NEGR1: variants seen among roughly 807,000 people sequenced by gnomAD.
The protein encoded by NEGR1 is neuronal growth regulator 1.
NEGR1 carries 10 observed loss-of-function variants against 40.9 expected under a neutral mutation model. That is an observed-to-expected ratio of 0.24 (90% CI 0.15 to 0.42). The LOEUF (loss-of-function observed/expected upper bound fraction) is 0.42, where lower values mean the gene tolerates loss of function less well. NEGR1 is among the 10% of genes least tolerant of loss of function. The pLI is 1.00. For synonymous variants in NEGR1, 185 were observed against 166.8 expected (o/e 1.11, Z -0.84); for missense variants, 352 against 438.9 (o/e 0.80, Z 1.77).
chr1:71,635,264 C>T (rs1006221746), intron 4 of NEGR1, among the ~76,000 whole-genome samples: 2 of 152,014 alleles, frequency 1.3e-5, no homozygotes, highest in African/African-American at 4.8e-5. Context: ...AAGCCTCTCC[C>T]GACTTTAACC....
chr1:71,403,856 T>C lies in NEGR1; in HGVS notation c.*3590A>G, dbSNP rs1018903120. On this transcript the variant is annotated 3_prime_UTR_variant, in exon 7 of 7. Coordinates refer to ENST00000357731, the MANE Select transcript of NEGR1 (RefSeq NM_173808.3). ...GAAGAGCTTTTTCCAGTCTTTAAAG[T>C]AAATACATATTCAAAGAATCTTAAG... 7.8e-6 allele frequency: 3 copies of C among 382,762 alleles called. No individual in the cohort carries two copies. Among genetic ancestry groups the C allele is most frequent in the African/African-American group, 6.2e-5 (3 of 48,248 alleles). 23.7% of individuals were successfully genotyped at this position (382,762 alleles called of 1,614,324 possible).
chr1:71,996,690 G>A (rs1320687460), intron 1 of NEGR1, among the ~76,000 whole-genome samples: 1 of 152,038 alleles, frequency 6.6e-6, no homozygotes, highest in Non-Finnish European at 1.5e-5. Flanking sequence ...GGGGAAATCT[G>A]TAATCTTTCA....
chr1:71,823,924 A>G (rs182972755), intron 2 of NEGR1, among the ~76,000 whole-genome samples: 3 of 152,022 alleles, frequency 2.0e-5, no homozygotes, highest in African/African-American at 7.2e-5. Context: ...GTGATCACAC[A>G]GGTTTTATGG....
chr1:71,609,289 G>T (rs1019341284), intron 5 of NEGR1, among the ~76,000 whole-genome samples: 1 of 151,648 alleles, frequency 6.6e-6, no homozygotes, highest in Non-Finnish European at 1.5e-5. Flanking sequence ...GCCGAGGCGG[G>T]TGGATCACAA....
At chr1:71,675,500 ACTCT>A (rs1166797796) in intron 4 of NEGR1, among the ~76,000 whole-genome samples, 5 of 150,208 alleles carry the variant, frequency 3.3e-5, no homozygotes, top group South Asian at 2.1e-4. Flanking sequence ...TCCCTCTCTC[ACTCT>A]CTCTCTCTCT....
intron 1 of NEGR1, among the ~76,000 whole-genome samples, chr1:72,037,234 T>A (rs966360599): frequency 6.6e-6 from 1 of 152,140 alleles, no homozygotes; most frequent in African/African-American, 2.4e-5. Context: ...GAATAGATAT[T>A]TAGTAGAAAA....
At chr1:71,806,898 G>T (rs540189) in intron 2 of NEGR1, among the ~76,000 whole-genome samples, 126,065 of 135,582 alleles carry the variant, frequency 0.93, 59,098 homozygotes, top group East Asian at 1. Flanking sequence ...GTTTTTTTTT[G>T]TTTTTTTTTT....
chr1:71,534,352 TG>T (rs112670615), intron 6 of NEGR1, among the ~76,000 whole-genome samples: 196 of 151,728 alleles, frequency 1.3e-3, no homozygotes, highest in African/African-American at 4.5e-3. Context: ...AGACATCTTT[TG>T]TGGGTATGTG....
At chr1:71,530,342 T>C (rs1647314663) in intron 6 of NEGR1, among the ~76,000 whole-genome samples, 1 of 151,344 alleles carries the variant, frequency 6.6e-6, no homozygotes, top group African/African-American at 2.4e-5. Flanking sequence ...CCACCTGCCT[T>C]TATGTTCTTT....
At chr1:71,534,852 G>C (rs1352662619) in intron 6 of NEGR1, among the ~76,000 whole-genome samples, 1 of 151,508 alleles carries the variant, frequency 6.6e-6, no homozygotes, top group Non-Finnish European at 1.5e-5. Flanking sequence ...CAAAATGTGA[G>C]AGCATTCTTA....
At chr1:71,695,951 G>A (rs116399515) in intron 4 of NEGR1, among the ~76,000 whole-genome samples, 2,834 of 151,788 alleles carry the variant, frequency 0.019, 65 homozygotes, top group African/African-American at 0.055. Flanking sequence ...AACCCACTAT[G>A]TACAGTTGTC....
At chr1:71,691,128 T>C (rs1570214788) in intron 4 of NEGR1, among the ~76,000 whole-genome samples, 4 of 151,848 alleles carry the variant, frequency 2.6e-5, no homozygotes, top group African/African-American at 7.2e-5. Flanking sequence ...TAAGTAAAAA[T>C]AGTCTTGGCA....
At chr1:71,956,005 T>C (rs1250967891) in intron 1 of NEGR1, among the ~76,000 whole-genome samples, 2 of 152,198 alleles carry the variant, frequency 1.3e-5, no homozygotes, top group Non-Finnish European at 2.9e-5. Flanking sequence ...ATAAATTCAA[T>C]TTCTTTTCAT....
At chr1:71,874,836 T>C (rs1263795883) in intron 2 of NEGR1, among the ~76,000 whole-genome samples, 2 of 151,006 alleles carry the variant, frequency 1.3e-5, no homozygotes, top group East Asian at 3.9e-4. Context: ...ACAGCAAGTT[T>C]TTCTTTTTCT....
At chr1:71,552,017 G>T (rs999210789) in intron 6 of NEGR1, among the ~76,000 whole-genome samples, 2 of 151,292 alleles carry the variant, frequency 1.3e-5, no homozygotes, top group African/African-American at 2.4e-5. Context: ...CTAGAGTCAG[G>T]CTTCTCCTAA....
At chr1:72,163,978 A>G (rs1055319435) in intron 1 of NEGR1, among the ~76,000 whole-genome samples, 1 of 152,010 alleles carries the variant, frequency 6.6e-6, no homozygotes, top group Admixed American at 6.6e-5. Flanking sequence ...TACAGGAAGT[A>G]TAAACTAATT....
intron 6 of NEGR1, among the ~76,000 whole-genome samples, chr1:71,512,028 T>A (rs1255298518): frequency 6.6e-6 from 1 of 152,302 alleles, no homozygotes; most frequent in Middle Eastern, 3.4e-3. Context: ...AAATTTTAGA[T>A]GCAAGTAAAT....
chr1:72,175,889 T>C (rs558022505), intron 1 of NEGR1, among the ~76,000 whole-genome samples: 4 of 152,122 alleles, frequency 2.6e-5, no homozygotes, highest in Non-Finnish European at 4.4e-5. Flanking sequence ...GCATGGACAT[T>C]ATAAATAAAA....
chr1:71,705,329 C>G (rs185968644), intron 3 of NEGR1, among the ~76,000 whole-genome samples: 8 of 152,204 alleles, frequency 5.3e-5, no homozygotes, highest in Admixed American at 2.0e-4. Flanking sequence ...CTTTGTGACT[C>G]TGGGTTGAGC....
Sources: gnomAD v4.1 joint callset for allele counts (sites outside exome capture counted in the v4.1 genomes callset) on GRCh38, gnomAD v4.1.1 for gene constraint, MANE v1.5 for transcripts, NCBI Gene and HGNC (gene_info 2026-07-23, HGNC 2026-07-21) for gene names.